ZFHX3: variants seen among roughly 807,000 people sequenced by gnomAD.
The protein encoded by ZFHX3 is zinc finger homeobox 3.
ZFHX3 carries 42 observed loss-of-function variants against 279.1 expected under a neutral mutation model. That is an observed-to-expected ratio of 0.15 (90% confidence interval 0.12 to 0.19). The LOEUF (loss-of-function observed/expected upper bound fraction) is 0.19, where lower values mean the gene tolerates loss of function less well. ZFHX3 is among the 10% of genes least tolerant of loss of function. The pLI, the probability that ZFHX3 is intolerant of heterozygous loss-of-function variation, is 1.00. For synonymous variants in ZFHX3, 2,293 were observed against 1,957.8 expected (o/e 1.17, Z -4.52); for missense variants, 4,981 against 4,754.0 (o/e 1.05, Z -1.40).
chr16:73,358,189 A>T (rs1408180032), intron 3 of ZFHX3, among the ~76,000 whole-genome samples: 1 of 152,124 alleles, frequency 6.6e-6, no homozygotes, highest in African/African-American at 2.4e-5. Context: ...GGCCCCCAGC[A>T]CCGTCCACTC....
intron 1 of ZFHX3, among the ~76,000 whole-genome samples, chr16:73,852,906 T>C (rs1246629997): frequency 2.0e-5 from 3 of 152,128 alleles, no homozygotes; most frequent in Non-Finnish European, 2.9e-5. Flanking sequence ...TTGCAAATCA[T>C]GCCTCTGACA....
chr16:72,798,455 G>A lies in ZFHX3; in HGVS notation c.4227C>T (p.Ala1409=), dbSNP rs769932249. The change falls in exon 9 of 10, where the codon GCC becomes GCT. Residue 1409 remains alanine (A), a synonymous_variant. Transcript: ENST00000268489. Reference sequence around the variant, plus strand: ...GCTGCAACTTTTCAATGGTCTTGAAGGCCAGGCTACACTGATTACAGCGGT... The same window carrying A: ...GCTGCAACTTTTCAATGGTCTTGAAAGCCAGGCTACACTGATTACAGCGGT... ...YKYRCNQCSL[A]FKTIEKLQLH... 6.2e-7 allele frequency: 1 copy of A among 1,614,268 alleles called. No individual in the cohort carries two copies. Among genetic ancestry groups the A allele is most frequent in the South Asian group, 1.1e-5 (1 of 91,086 alleles).
At chr16:73,206,207 T>C (rs1212740434) in intron 5 of ZFHX3, among the ~76,000 whole-genome samples, 2 of 152,220 alleles carry the variant, frequency 1.3e-5, no homozygotes, top group Non-Finnish European at 2.9e-5. Flanking sequence ...GGAATTATCA[T>C]ATATACCACA....
intron 1 of ZFHX3, among the ~76,000 whole-genome samples, chr16:73,779,147 C>T (rs544724617): frequency 3.3e-5 from 5 of 152,286 alleles, no homozygotes; most frequent in African/African-American, 9.6e-5. Flanking sequence ...CAGCATATGG[C>T]TATAGCATTC....
Position 73,396,438 on chromosome 16 carries a change from C to T in ZFHX3, c.-1291+59565G>A, listed in dbSNP as rs1360293345. Among the ~76,000 whole-genome samples, 4 of 151,186 alleles carry T rather than the reference C, an allele frequency of 2.6e-5. No individual in the cohort carries two copies. In the East Asian group the frequency reaches 7.7e-4, roughly 29 times the overall value. ...GAAGACTCATTTATTTTTTTTCATT[C>T]ATTCATTCAACACATACTAAGTGTG... is the stretch of plus-strand genomic sequence containing the variant. On this transcript the variant is annotated intron_variant, in intron 3 of 17. Coordinates refer to the ZFHX3 transcript ENST00000641206.
At chr16:73,654,122 TG>T (rs1402197633) in intron 2 of ZFHX3, among the ~76,000 whole-genome samples, 1 of 147,950 alleles carries the variant, frequency 6.8e-6, no homozygotes, top group Non-Finnish European at 1.5e-5. Flanking sequence ...AGGCGGAGCC[TG>T]CAGTGAGCCG....
chr16:73,517,139 G>A (rs993248029), intron 2 of ZFHX3, among the ~76,000 whole-genome samples: 2 of 152,004 alleles, frequency 1.3e-5, no homozygotes, highest in African/African-American at 4.8e-5. Flanking sequence ...CCATATTCCC[G>A]TTAAAGTGAT....
intron 7 of ZFHX3, among the ~76,000 whole-genome samples, chr16:73,125,625 A>G (rs1966556146): frequency 6.6e-6 from 1 of 152,064 alleles, no homozygotes; most frequent in Admixed American, 6.6e-5. Flanking sequence ...CTCCCAGCGT[A>G]CATCTTTCTC....
intron 4 of ZFHX3, among the ~76,000 whole-genome samples, chr16:72,834,229 C>G (rs2037130569): frequency 6.6e-6 from 1 of 152,156 alleles, no homozygotes; most frequent in African/African-American, 2.4e-5. Flanking sequence ...GCCTGGGCAA[C>G]AGAGTGAGAC....
At chr16:73,817,395 T>A (rs1960603744) in intron 1 of ZFHX3, among the ~76,000 whole-genome samples, 1 of 152,230 alleles carries the variant, frequency 6.6e-6, no homozygotes, top group Non-Finnish European at 1.5e-5. Context: ...GTCAATATCC[T>A]GTCATCACTA....
intron 2 of ZFHX3, among the ~76,000 whole-genome samples, chr16:73,481,384 A>T (rs1235539249): frequency 6.6e-6 from 1 of 151,480 alleles, no homozygotes; most frequent in Non-Finnish European, 1.5e-5. Flanking sequence ...CCAAGTTGAC[A>T]CATTGCTTTC....
intron 1 of ZFHX3, among the ~76,000 whole-genome samples, chr16:72,971,930 G>A (rs139479164): frequency 7.3e-6 from 1 of 137,204 alleles, no homozygotes; most frequent in African/African-American, 2.8e-5. Context: ...CTGCTGCCCA[G>A]GTTGGAGTAC....
In ZFHX3 at chr16:73,638,295, T is replaced by C. The variant is rs191817262; in HGVS notation, c.-1547+41885A>G. Among the ~76,000 whole-genome samples the C allele has an allele frequency of 1.4e-4, 21 of 152,370 alleles. No homozygotes were observed. The East Asian group carries it at 3.5e-3, about 25-fold the overall frequency. The stretch of plus-strand genomic sequence containing the variant: ...TTTGGGCAGGTAACTAATTTAACCA[T>C]ATACATATATTTATTTATTAGGAGC... On this transcript the variant is annotated intron_variant, in intron 2 of 17. Transcript: ENST00000641206.
rs1343643401 is a variant in ZFHX3, at chr16:73,698,630, A to G, written c.-1607-18390T>C. Among the ~76,000 whole-genome samples the G allele has an allele frequency of 3.9e-5, 6 of 152,154 alleles. No homozygotes were observed. In the East Asian group the frequency reaches 9.7e-4, roughly 24 times the overall value. On this transcript the variant is annotated intron_variant, in intron 1 of 17. Transcript: ENST00000641206. ...TTCCTGCCAAAATTATATTACCTCA[A>G]TGTAATCATGGGTAAACACTGGAAG...
At chr16:73,309,858 T>A (rs2015282918) in intron 4 of ZFHX3, among the ~76,000 whole-genome samples, 1 of 150,974 alleles carries the variant, frequency 6.6e-6, no homozygotes, top group South Asian at 2.1e-4. Flanking sequence ...TAAAATTCTG[T>A]AAAACTTTAG....
chr16:73,710,826 C>G (rs2053354774), intron 1 of ZFHX3, among the ~76,000 whole-genome samples: 1 of 152,174 alleles, frequency 6.6e-6, no homozygotes. Context: ...TGTACAACCT[C>G]ACACACTTTA....
At chr16:73,240,836 A>G (rs2013100025) in intron 5 of ZFHX3, among the ~76,000 whole-genome samples, 1 of 152,258 alleles carries the variant, frequency 6.6e-6, no homozygotes. Flanking sequence ...GTGAAAGAGT[A>G]GAGTTTTGCT....
At chr16:73,814,081 C>A (rs927461179) in intron 1 of ZFHX3, among the ~76,000 whole-genome samples, 3 of 152,132 alleles carry the variant, frequency 2.0e-5, no homozygotes, top group African/African-American at 4.8e-5. Context: ...GTAATATCTG[C>A]AATTAAAAAT....
intron 3 of ZFHX3, among the ~76,000 whole-genome samples, chr16:72,941,954 C>CATAGTAA (rs1201935760): frequency 3.3e-5 from 5 of 152,176 alleles, no homozygotes; most frequent in African/African-American, 1.2e-4. Flanking sequence ...AACAGCCTTT[C>CATAGTAA]CCACCCTACA....
Sources: allele counts gnomAD v4.1 joint callset (sites outside exome capture counted in the v4.1 genomes callset), GRCh38; gene constraint gnomAD v4.1.1; transcripts MANE v1.5; gene names NCBI Gene and HGNC (gene_info 2026-07-23, HGNC 2026-07-21).